THRB: variants seen among roughly 807,000 people sequenced by gnomAD.
THRB encodes thyroid hormone receptor beta.
THRB carries 12 observed loss-of-function variants against 47.8 expected under a neutral mutation model. That is an observed-to-expected ratio of 0.25 (90% confidence interval 0.16 to 0.41). The LOEUF (loss-of-function observed/expected upper bound fraction) is 0.41, where lower values mean the gene tolerates loss of function less well. Among genes scored for constraint, THRB ranks in the 10% least tolerant of loss-of-function variants. The pLI, the probability that THRB is intolerant of heterozygous loss-of-function variation, is 1.00. For synonymous variants in THRB, 218 were observed against 212.2 expected, an observed-to-expected ratio of 1.03 and a Z score of -0.24; for missense variants, 348 against 589.2, an observed-to-expected ratio of 0.59 and a Z score of 4.24.
intron 1 of THRB, among the ~76,000 whole-genome samples, chr3:24,358,601 C>T (rs1014845994): frequency 2.6e-5 from 4 of 152,106 alleles, no homozygotes; most frequent in Middle Eastern, 3.2e-3. Flanking sequence ...ACTATACTTT[C>T]CAGTCCCTAT....
At chr3:24,234,712 CTG>C (rs1281291918) in intron 3 of THRB, among the ~76,000 whole-genome samples, 1 of 152,180 alleles carries the variant, frequency 6.6e-6, no homozygotes, top group Non-Finnish European at 1.5e-5. Flanking sequence ...ACTGAAGAGA[CTG>C]TAATTAATTA....
intron 2 of THRB, among the ~76,000 whole-genome samples, chr3:24,315,843 G>A (rs921703205): frequency 1.3e-5 from 2 of 152,162 alleles, no homozygotes; most frequent in South Asian, 2.1e-4. Flanking sequence ...AGAGAGCAGC[G>A]ATAATTTGGC....
Position 24,143,627 on chromosome 3 carries a change from C to A in THRB, c.612G>T (p.Leu204=). ...ENREKRRREE[L]QKSIGHKPEP... ...CTGGCTTGTGCCCGATGGACTTCTG[C>A]AGCTCTTCCCGCCGTCTTTTCTCCC... Residue 204 remains leucine (L), a synonymous_variant, in exon 8 of 11, where the codon CTG becomes CTT. Coordinates refer to ENST00000646209, the MANE Select transcript of THRB (RefSeq NM_001354712.2). 1 of 1,614,208 alleles carries A rather than the reference C, an allele frequency of 6.2e-7. No homozygotes were observed. The highest frequency in any genetic ancestry group is 8.5e-7 in the Non-Finnish European group (1 of 1,180,026).
At chr3:24,454,297 C>T (rs1307539645) in intron 1 of THRB, among the ~76,000 whole-genome samples, 1 of 152,030 alleles carries the variant, frequency 6.6e-6, no homozygotes, top group Non-Finnish European at 1.5e-5. Context: ...CATGAGATGT[C>T]CAGAATAGGA....
At chr3:24,138,509 A>G (rs1409520417) in intron 8 of THRB, among the ~76,000 whole-genome samples, 1 of 152,218 alleles carries the variant, frequency 6.6e-6, no homozygotes, top group Non-Finnish European at 1.5e-5. Context: ...CCATTCAGCA[A>G]GGGCATAAGG....
intron 1 of THRB, among the ~76,000 whole-genome samples, chr3:24,468,578 A>G (rs944322058): frequency 6.6e-6 from 1 of 152,132 alleles, no homozygotes; most frequent in Non-Finnish European, 1.5e-5. Context: ...TCAGGGAGTA[A>G]GGAGGTTTGA....
chr3:24,211,255 T>A (rs115974446), intron 4 of THRB, among the ~76,000 whole-genome samples: 1,911 of 151,958 alleles, frequency 0.013, 32 homozygotes, highest in African/African-American at 0.041. Context: ...TTAAAAGTCA[T>A]AATACACATA....
At chr3:24,267,950 T>C (rs145532218) in intron 3 of THRB, among the ~76,000 whole-genome samples, 1 of 152,314 alleles carries the variant, frequency 6.6e-6, no homozygotes, top group Non-Finnish European at 1.5e-5. Context: ...CTATCCTAGA[T>C]AAATTATGAA....
intron 5 of THRB, among the ~76,000 whole-genome samples, chr3:24,153,994 A>T (rs541601179): frequency 6.6e-6 from 1 of 152,324 alleles, no homozygotes; most frequent in African/African-American, 2.4e-5. Flanking sequence ...CTTTTCAGAA[A>T]AAAAGCCATT....
At chr3:24,420,901 A>G (rs2069192378) in intron 1 of THRB, among the ~76,000 whole-genome samples, 1 of 152,004 alleles carries the variant, frequency 6.6e-6, no homozygotes, top group African/African-American at 2.4e-5. Flanking sequence ...ATGCACATGT[A>G]TGTTCATTGC....
At chr3:24,334,004 T>G (rs2062083240) in intron 2 of THRB, among the ~76,000 whole-genome samples, 1 of 152,196 alleles carries the variant, frequency 6.6e-6, no homozygotes, top group Non-Finnish European at 1.5e-5. Flanking sequence ...AAACGCAGAA[T>G]TGGCCCCTGG....
Position 24,481,671 on chromosome 3 carries a change from AT to A in THRB, c.-261+12980del, listed in dbSNP as rs574187136. ...TGAGGGAAAGTGTCATTGGAGTGGCATGTTTCAGTGGGGCAGAACCAGAGAG... is the reference window on the plus strand; with the variant it reads ...TGAGGGAAAGTGTCATTGGAGTGGCAGTTTCAGTGGGGCAGAACCAGAGAG... On this transcript the variant is annotated intron_variant, in intron 1 of 10. Transcript: ENST00000646209. 4.1e-3 allele frequency among the ~76,000 whole-genome samples: 627 copies of A among 152,240 alleles called. 5 individuals carry two copies. Among genetic ancestry groups the A allele is most frequent in the African/African-American group, 0.015 (607 of 41,548 alleles).
At chr3:24,416,389 T>G (rs80106274) in intron 1 of THRB, among the ~76,000 whole-genome samples, 9,817 of 151,862 alleles carry the variant, frequency 0.065, 451 homozygotes, top group Middle Eastern at 0.12. Context: ...GGGCTCCAAG[T>G]GACTCCTAAA....
chr3:24,136,677 A>G (rs1041619650), intron 8 of THRB, among the ~76,000 whole-genome samples: 1 of 152,244 alleles, frequency 6.6e-6, no homozygotes, highest in Non-Finnish European at 1.5e-5. Context: ...ACTGATGATA[A>G]GTCTCTAGCT....
At chr3:24,265,847 C>T (rs2052596009) in intron 3 of THRB, among the ~76,000 whole-genome samples, 1 of 152,014 alleles carries the variant, frequency 6.6e-6, no homozygotes, top group Non-Finnish European at 1.5e-5. Flanking sequence ...AGAGGAAAGA[C>T]AAGCAACAAA....
In THRB at chr3:24,474,675, T is replaced by C. The variant is rs531901488; in HGVS notation, c.-261+19977A>G. ...TACACAATCCTTCCAGGAAGGATTC[T>C]TTGATAGTTCATTTAAAAACAAATC... On this transcript the variant is annotated intron_variant, in intron 1 of 10. Transcript: ENST00000646209. Among the ~76,000 whole-genome samples, 16 of 152,316 alleles carry C rather than the reference T, an allele frequency of 1.1e-4. No individual in the cohort carries two copies. In the South Asian group the frequency reaches 1.2e-3, roughly 12 times the overall value.
chr3:24,336,624 G>T (rs146928187), intron 2 of THRB, among the ~76,000 whole-genome samples: 1 of 152,198 alleles, frequency 6.6e-6, no homozygotes, highest in Non-Finnish European at 1.5e-5. Flanking sequence ...GGACTGAAAG[G>T]CAAATTCAGA....
At chr3:24,308,465 AAATATAAAGTAGAGTAGG>A (rs2057517531) in intron 2 of THRB, among the ~76,000 whole-genome samples, 1 of 152,214 alleles carries the variant, frequency 6.6e-6, no homozygotes, top group Non-Finnish European at 1.5e-5. Flanking sequence ...CTCTGTTTTG[AAATATAAAGTAGAGTAGG>A]TAGCTAAATA....
intron 4 of THRB, among the ~76,000 whole-genome samples, chr3:24,199,865 T>A (rs914496507): frequency 6.6e-6 from 1 of 152,082 alleles, no homozygotes; most frequent in African/African-American, 2.4e-5. Flanking sequence ...GGTGACCAGG[T>A]TCATAGGCAA....
Sources: gnomAD v4.1 joint callset for allele counts (sites outside exome capture counted in the v4.1 genomes callset) on GRCh38, gnomAD v4.1.1 for gene constraint, MANE v1.5 for transcripts, NCBI Gene and HGNC (gene_info 2026-07-23, HGNC 2026-07-21) for gene names.